CLSTN2: variants seen among roughly 807,000 people sequenced by gnomAD.
CLSTN2 encodes the protein calsyntenin 2.
In CLSTN2, 48 loss-of-function variants were observed where a neutral mutation model predicts 101.2. The ratio of observed to expected loss-of-function variants is 0.47; its 90% CI spans 0.38 to 0.60. The LOEUF is 0.60. Among genes scored for constraint, CLSTN2 ranks in the 20% least tolerant of loss-of-function variants. The pLI is 0.00. For synonymous variants in CLSTN2, 481 were observed against 463.6 expected (o/e 1.04, Z -0.48); for missense variants, 1,160 against 1,238.2 (o/e 0.94, Z 0.95).
intron 2 of CLSTN2, among the ~76,000 whole-genome samples, chr3:140,403,193 C>T (rs2107978187): frequency 6.6e-6 from 1 of 152,324 alleles, no homozygotes; most frequent in Non-Finnish European, 1.5e-5. Flanking sequence ...GGCTCTGGAA[C>T]TCTGGAACTC....
chr3:140,517,267 G>A (rs951174756), intron 8 of CLSTN2, among the ~76,000 whole-genome samples: 2 of 151,902 alleles, frequency 1.3e-5, no homozygotes, highest in Non-Finnish European at 2.9e-5. Flanking sequence ...CTTTTCTCTG[G>A]TGCCTCCTTG....
chr3:140,253,787 T>C (rs1036763531), intron 2 of CLSTN2, among the ~76,000 whole-genome samples: 1 of 152,126 alleles, frequency 6.6e-6, no homozygotes, highest in Non-Finnish European at 1.5e-5. Flanking sequence ...TTTTTTTCTC[T>C]TACAGTTACA....
chr3:140,507,690 C>T (rs1462384329), intron 8 of CLSTN2: 3 of 152,078 alleles, frequency 2.0e-5, no homozygotes, highest in Non-Finnish European at 4.4e-5. Context: ...ACACCTTGTA[C>T]CTCTACTCAT....
At chr3:140,014,827 T>C (rs1453318516) in intron 1 of CLSTN2, among the ~76,000 whole-genome samples, 1 of 152,166 alleles carries the variant, frequency 6.6e-6, no homozygotes, top group African/African-American at 2.4e-5. Context: ...GTAAGAACTT[T>C]GGATTTTTCT....
chr3:140,508,327 C>CCCT (rs1304251971), intron 8 of CLSTN2: 2 of 152,212 alleles, frequency 1.3e-5, no homozygotes, highest in African/African-American at 2.4e-5. Flanking sequence ...CCAAGCTGGA[C>CCCT]CCTCATATTC....
At chr3:140,051,435 C>G (rs1205966278) in intron 1 of CLSTN2, among the ~76,000 whole-genome samples, 1 of 152,212 alleles carries the variant, frequency 6.6e-6, no homozygotes, top group Non-Finnish European at 1.5e-5. Context: ...AGCATGGTCG[C>G]TGCACATCTT....
chr3:140,169,419 G>A (rs1055285934), intron 1 of CLSTN2, among the ~76,000 whole-genome samples: 2 of 151,908 alleles, frequency 1.3e-5, no homozygotes, highest in African/African-American at 4.8e-5. Flanking sequence ...TGTTCCCTGT[G>A]AATAATGACA....
In CLSTN2 at chr3:139,945,926, G is replaced by A. The variant is rs544635351; in HGVS notation, c.109+10443G>A. On this transcript the variant is annotated intron_variant, in intron 1 of 16. Transcript: ENST00000458420. Reference sequence around the variant, plus strand: ...TCTATAAATTAATCACTCTCTAAAAGCATATAGTTCATTAACACTATGAAC... The same window carrying A: ...TCTATAAATTAATCACTCTCTAAAAACATATAGTTCATTAACACTATGAAC... Among the ~76,000 whole-genome samples, 11 of 152,232 alleles carry A rather than the reference G, an allele frequency of 7.2e-5. No homozygotes were observed. In the South Asian group the frequency reaches 2.3e-3, roughly 32 times the overall value.
At chr3:140,483,413 T>A (rs1225978318) in intron 8 of CLSTN2, among the ~76,000 whole-genome samples, 1 of 152,208 alleles carries the variant, frequency 6.6e-6, no homozygotes, top group African/African-American at 2.4e-5. Context: ...AAAAAATGTA[T>A]ATTCTGTTGA....
At chr3:140,089,035 G>T (rs975139365) in intron 1 of CLSTN2, among the ~76,000 whole-genome samples, 2 of 152,182 alleles carry the variant, frequency 1.3e-5, no homozygotes, top group East Asian at 3.9e-4. Context: ...CATTAAAATG[G>T]AACTAAAAAT....
At chr3:140,132,274 T>C (rs2009535419) in intron 1 of CLSTN2, among the ~76,000 whole-genome samples, 1 of 152,230 alleles carries the variant, frequency 6.6e-6, no homozygotes, top group Non-Finnish European at 1.5e-5. Context: ...ATTATTTTTT[T>C]GTGTGTTTGA....
chr3:140,058,119 C>G (rs2008133567), intron 1 of CLSTN2, among the ~76,000 whole-genome samples: 2 of 152,130 alleles, frequency 1.3e-5, no homozygotes, highest in Admixed American at 1.3e-4. Flanking sequence ...ACTAAACACT[C>G]AGGCATGCTG....
At chr3:140,270,054 C>A (rs2086727953) in intron 2 of CLSTN2, among the ~76,000 whole-genome samples, 1 of 152,180 alleles carries the variant, frequency 6.6e-6, no homozygotes. Context: ...TACATTTAAG[C>A]CTCAAAGCCA....
intron 1 of CLSTN2, among the ~76,000 whole-genome samples, chr3:140,097,785 G>A (rs2008896043): frequency 6.6e-6 from 1 of 152,136 alleles, no homozygotes; most frequent in South Asian, 2.1e-4. Context: ...TATTGTCACA[G>A]GTGTTTGGAG....
intron 1 of CLSTN2, among the ~76,000 whole-genome samples, chr3:140,038,879 A>G (rs2007710078): frequency 6.6e-6 from 1 of 152,224 alleles, no homozygotes; most frequent in African/African-American, 2.4e-5. Context: ...TATTAGTTAA[A>G]GTGATCTGAT....
At chr3:139,982,363 C>T (rs1935945784) in intron 1 of CLSTN2, among the ~76,000 whole-genome samples, 1 of 137,832 alleles carries the variant, frequency 7.3e-6, no homozygotes, top group African/African-American at 2.6e-5. Context: ...ATTAAAACAT[C>T]TTAAATTTTT....
At chr3:140,122,455 C>A (rs1287977944) in intron 1 of CLSTN2, among the ~76,000 whole-genome samples, 1 of 152,180 alleles carries the variant, frequency 6.6e-6, no homozygotes, top group African/African-American at 2.4e-5. Flanking sequence ...AAATCATGGA[C>A]TCCTGATTCA....
intron 1 of CLSTN2, among the ~76,000 whole-genome samples, chr3:140,043,843 G>A (rs1211332494): frequency 6.6e-6 from 1 of 152,098 alleles, no homozygotes; most frequent in Admixed American, 6.6e-5. Flanking sequence ...GTAGATGTGT[G>A]GTATTATTTC....
At chr3:140,519,959 G>T (rs934362577) in intron 8 of CLSTN2, among the ~76,000 whole-genome samples, 1 of 152,170 alleles carries the variant, frequency 6.6e-6, no homozygotes, top group African/African-American at 2.4e-5. Flanking sequence ...TTTTTCTTTT[G>T]ATATTTAGTG....
Sources: allele counts gnomAD v4.1 joint callset (sites outside exome capture counted in the v4.1 genomes callset), GRCh38; gene constraint gnomAD v4.1.1; transcripts MANE v1.5; gene names NCBI Gene and HGNC (gene_info 2026-07-23, HGNC 2026-07-21).